Variants in ADAMTS12 observed in about 807,000 individuals in gnomAD.
The protein encoded by ADAMTS12 is A disintegrin and metalloproteinase with thrombospondin motifs 12.
ADAMTS12 carries 118 observed loss-of-function variants against 167.8 expected under a neutral mutation model. That is an observed-to-expected ratio of 0.70 (90% CI 0.61 to 0.82). The LOEUF is 0.82. Among genes scored for constraint, ADAMTS12 ranks in the 40% least tolerant of loss-of-function variants. The pLI is 0.00. For synonymous variants in ADAMTS12, 704 were observed against 716.9 expected (o/e 0.98, Z 0.29); for missense variants, 1,916 against 1,998.8 (o/e 0.96, Z 0.79).
chr5:33,663,391 G>C (rs1741336954), intron 5 of ADAMTS12, among the ~76,000 whole-genome samples: 1 of 152,000 alleles, frequency 6.6e-6, no homozygotes, highest in Admixed American at 6.6e-5. Flanking sequence ...TGGTCAGGTG[G>C]CATGAATCAG....
At chr5:33,800,716 TC>T (rs2112471849) in intron 2 of ADAMTS12, among the ~76,000 whole-genome samples, 1 of 152,272 alleles carries the variant, frequency 6.6e-6, no homozygotes, top group Non-Finnish European at 1.5e-5. Flanking sequence ...CTCAGTCTTC[TC>T]CTACAAGAAG....
At chr5:33,829,760 C>T (rs1304043473) in intron 2 of ADAMTS12, among the ~76,000 whole-genome samples, 4 of 152,160 alleles carry the variant, frequency 2.6e-5, no homozygotes, top group Admixed American at 2.6e-4. Context: ...CAGCTGTGGT[C>T]GGAAAGTACA....
intron 19 of ADAMTS12, among the ~76,000 whole-genome samples, chr5:33,562,908 A>T (rs1439434118): frequency 6.6e-6 from 1 of 152,128 alleles, no homozygotes; most frequent in Non-Finnish European, 1.5e-5. Flanking sequence ...CTGGGATTAC[A>T]GGCATGAGTC....
intron 2 of ADAMTS12, among the ~76,000 whole-genome samples, chr5:33,844,823 A>C (rs1182678063): frequency 2.6e-5 from 4 of 152,156 alleles, no homozygotes; most frequent in Non-Finnish European, 5.9e-5. Flanking sequence ...ACCTACCGAA[A>C]TGTGATGCCT....
At chr5:33,622,137 G>A (rs1263983188) in intron 14 of ADAMTS12, among the ~76,000 whole-genome samples, 1 of 152,104 alleles carries the variant, frequency 6.6e-6, no homozygotes, top group Admixed American at 6.6e-5. Flanking sequence ...AGGCAGGAAG[G>A]GGTAGGGGTA....
chr5:33,832,096 G>A (rs1748322234), intron 2 of ADAMTS12, among the ~76,000 whole-genome samples: 2 of 152,186 alleles, frequency 1.3e-5, no homozygotes, highest in African/African-American at 4.8e-5. Context: ...TGTCGTTCAT[G>A]AACCATTGCT....
At chr5:33,546,927 T>C (rs1745011718) in intron 21 of ADAMTS12, among the ~76,000 whole-genome samples, 1 of 152,248 alleles carries the variant, frequency 6.6e-6, no homozygotes, top group Non-Finnish European at 1.5e-5. Context: ...AAGATAATTA[T>C]GGCTGTCTTG....
intron 7 of ADAMTS12, among the ~76,000 whole-genome samples, chr5:33,652,213 T>C (rs1242159837): frequency 6.6e-6 from 1 of 152,146 alleles, no homozygotes; most frequent in East Asian, 1.9e-4. Context: ...CTGTTTCCCA[T>C]AGAGTTTGTG....
chr5:33,891,781 A>G lies in ADAMTS12; in HGVS notation c.76T>C (p.Tyr26His). 1 of 1,614,216 alleles carries G rather than the reference A, an allele frequency of 6.2e-7. No individual in the cohort carries two copies. Among genetic ancestry groups the G allele is most frequent in the African/African-American group, 1.3e-5 (1 of 75,044 alleles). Residue 26 changes from tyrosine (Y) to histidine (H), a missense_variant, in exon 1 of 24, where the codon TAT (tyrosine) becomes CAT (histidine). Transcript: ENST00000504830. ...GGGCCTGGCTGAGGCTGTCTCCCAT[A>G]GCAAAGCGCCCCAAAGTTAAGGAGC... The part of the protein sequence containing the change: ...AQLLNFGALC[Y>H]GRQPQPGPVR...
chr5:33,572,421 C>T (rs1309902051), intron 19 of ADAMTS12, among the ~76,000 whole-genome samples: 3 of 151,684 alleles, frequency 2.0e-5, no homozygotes, highest in African/African-American at 4.8e-5. Context: ...GGCTTCATCC[C>T]TGGGATGCAA....
At chr5:33,626,765 T>C (rs1230786722) in intron 13 of ADAMTS12, among the ~76,000 whole-genome samples, 2 of 147,632 alleles carry the variant, frequency 1.4e-5, no homozygotes, top group African/African-American at 5.0e-5. Context: ...GTGGTAGTGA[T>C]GGTGATGATT....
intron 2 of ADAMTS12, among the ~76,000 whole-genome samples, chr5:33,843,762 G>A (rs1331511878): frequency 6.6e-6 from 1 of 152,212 alleles, no homozygotes; most frequent in Non-Finnish European, 1.5e-5. Flanking sequence ...TTTTGGATCT[G>A]ATAAGCAGGA....
chr5:33,800,746 C>T (rs1238041201), intron 2 of ADAMTS12, among the ~76,000 whole-genome samples: 2 of 152,098 alleles, frequency 1.3e-5, no homozygotes, highest in Non-Finnish European at 2.9e-5. Context: ...CAATGGTGTG[C>T]TGGAGCCCCC....
chr5:33,676,840 A>G (rs1170455124), intron 5 of ADAMTS12, among the ~76,000 whole-genome samples: 1 of 152,192 alleles, frequency 6.6e-6, no homozygotes, highest in Non-Finnish European at 1.5e-5. Context: ...AATTTTTAAA[A>G]TCAGCAGGCT....
At chr5:33,639,078 G>A (rs1214948474) in intron 11 of ADAMTS12, among the ~76,000 whole-genome samples, 1 of 152,106 alleles carries the variant, frequency 6.6e-6, no homozygotes, top group African/African-American at 2.4e-5. Context: ...TCATTTCTCT[G>A]AGCCTCAGTT....
intron 2 of ADAMTS12, among the ~76,000 whole-genome samples, chr5:33,817,127 G>A (rs1027468052): frequency 3.1e-4 from 47 of 152,218 alleles, no homozygotes; most frequent in African/African-American, 6.7e-4. Context: ...GTTCAATTCT[G>A]CCATTTTGGA....
Position 33,577,037 on chromosome 5 carries a change from G to T in ADAMTS12, c.2989C>A (p.Pro997Thr). Residue 997 changes from proline (P) to threonine (T), a missense_variant, in exon 19 of 24, where the codon CCT becomes ACT. Pro to Thr is a conservative substitution (Grantham distance 38). Coordinates refer to ENST00000504830, the MANE Select transcript of ADAMTS12 (RefSeq NM_030955.4). ...SRALCGLQQC[P>T]SSRRVLKPNK... The stretch of plus-strand genomic sequence containing the variant: ...GGTTTCAGAACTCTCCGGCTAGAAG[G>T]GCATTGCTGGAGGCCACACAGAGCT... 6.2e-7 allele frequency: 1 copy of T among 1,614,164 alleles called. No individual in the cohort carries two copies. The highest frequency in any genetic ancestry group is 1.1e-5 in the South Asian group (1 of 91,084).
chr5:33,674,585 G>A (rs1741832132), intron 5 of ADAMTS12, among the ~76,000 whole-genome samples: 2 of 152,266 alleles, frequency 1.3e-5, no homozygotes, highest in South Asian at 4.2e-4. Context: ...AAGGATTGGG[G>A]CTTCCTTATT....
intron 9 of ADAMTS12, among the ~76,000 whole-genome samples, chr5:33,646,203 T>C (rs1740657078): frequency 6.6e-6 from 1 of 152,182 alleles, no homozygotes; most frequent in South Asian, 2.1e-4. Flanking sequence ...AACGCTTACC[T>C]CTATAAATCT....
Sources: gnomAD v4.1 joint callset for allele counts (sites outside exome capture counted in the v4.1 genomes callset) on GRCh38, gnomAD v4.1.1 for gene constraint, MANE v1.5 for transcripts, NCBI Gene and HGNC (gene_info 2026-07-23, HGNC 2026-07-21) for gene names.